The following PSPC1 variants were observed in gnomAD, a reference collection of about 807,000 sequenced individuals.
PSPC1 encodes paraspeckle protein 1.
Under a neutral mutation model 51.6 loss-of-function variants are expected in PSPC1, and 14 were observed. That is an observed-to-expected ratio of 0.27 (90% confidence interval 0.18 to 0.42). The LOEUF (loss-of-function observed/expected upper bound fraction) is 0.42, where lower values mean the gene tolerates loss of function less well. Among genes scored for constraint, PSPC1 ranks in the 10% least tolerant of loss-of-function variants. The pLI is 1.00. For synonymous variants in PSPC1, 193 were observed against 231.9 expected (o/e 0.83, Z 1.53); for missense variants, 406 against 701.1 (o/e 0.58, Z 4.75).
intron 5 of PSPC1, among the ~76,000 whole-genome samples, chr13:19,736,440 T>G (rs149176837): frequency 0.012 from 1,791 of 152,066 alleles, 23 homozygotes; most frequent in African/African-American, 0.041. Context: ...TCCCAGCACT[T>G]TGGGAGGCCG....
At chr13:19,725,160 G>C (rs1883231836) in intron 6 of PSPC1, among the ~76,000 whole-genome samples, 1 of 152,118 alleles carries the variant, frequency 6.6e-6, no homozygotes, top group Non-Finnish European at 1.5e-5. Flanking sequence ...CTAAGCGACA[G>C]AGCAAGACTC....
intron 6 of PSPC1, among the ~76,000 whole-genome samples, chr13:19,687,523 G>C (rs1245619568): frequency 6.6e-6 from 1 of 152,176 alleles, no homozygotes; most frequent in Non-Finnish European, 1.5e-5. Context: ...CCGAGCATCA[G>C]GATTTCCTGT....
At chr13:19,720,133 C>T (rs868765295) in intron 6 of PSPC1, among the ~76,000 whole-genome samples, 2 of 152,162 alleles carry the variant, frequency 1.3e-5, no homozygotes, top group Middle Eastern at 6.8e-3. Flanking sequence ...TTACCCAGAA[C>T]TCCTAAAAAA....
At chr13:19,738,855 G>A (rs1252484934) in intron 5 of PSPC1, among the ~76,000 whole-genome samples, 2 of 150,638 alleles carry the variant, frequency 1.3e-5, no homozygotes, top group African/African-American at 4.9e-5. Flanking sequence ...GCAGTGAGCC[G>A]AGATTGCGCC....
At chr13:19,752,462 AT>A (rs1343146418) in intron 3 of PSPC1, among the ~76,000 whole-genome samples, 1 of 152,178 alleles carries the variant, frequency 6.6e-6, no homozygotes, top group Non-Finnish European at 1.5e-5. Flanking sequence ...CATATAAAAA[AT>A]ATGACTGATC....
chr13:19,753,565 T>C (rs1566030659), intron 3 of PSPC1, among the ~76,000 whole-genome samples: 1 of 152,192 alleles, frequency 6.6e-6, no homozygotes, highest in Non-Finnish European at 1.5e-5. Flanking sequence ...TATCTTCAAT[T>C]AGTCTCGCCT....
intron 4 of PSPC1, among the ~76,000 whole-genome samples, chr13:19,745,792 C>A (rs1411626919): frequency 1.3e-5 from 2 of 151,556 alleles, no homozygotes; most frequent in Non-Finnish European, 2.9e-5. Context: ...GCTAATTTTT[C>A]GTATTTCCAA....
chr13:19,753,999 A>C (rs1886823525), intron 3 of PSPC1, among the ~76,000 whole-genome samples: 1 of 151,990 alleles, frequency 6.6e-6, no homozygotes, highest in African/African-American at 2.4e-5. Context: ...AAAGGAAAAA[A>C]AAACCACTGA....
chr13:19,680,157 G>A (rs1877107621), intron 6 of PSPC1, among the ~76,000 whole-genome samples: 1 of 152,038 alleles, frequency 6.6e-6, no homozygotes, highest in Non-Finnish European at 1.5e-5. Flanking sequence ...CGGGACTACA[G>A]GCGCACACTA....
intron 2 of PSPC1, among the ~76,000 whole-genome samples, chr13:19,767,589 T>C (rs1460628360): frequency 6.6e-6 from 1 of 152,120 alleles, no homozygotes; most frequent in South Asian, 2.1e-4. Context: ...ATATGGTAAT[T>C]AAGCAAGTAC....
intron 2 of PSPC1, among the ~76,000 whole-genome samples, chr13:19,762,839 C>G (rs1221933693): frequency 6.6e-6 from 1 of 151,912 alleles, no homozygotes; most frequent in South Asian, 2.1e-4. Context: ...AGGCCGGGCA[C>G]GGTGGCTCAC....
At chr13:19,672,499 A>AT (rs1876192326), downstream of PSPC1, 1 of 70,936 alleles carries the variant, frequency 1.4e-5, no homozygotes. Flanking sequence ...TTCTGTGCTT[A>AT]AAAAAAAAAA....
chr13:19,677,508 A>G (rs1032541409), intron 7 of PSPC1, among the ~76,000 whole-genome samples: 1 of 152,170 alleles, frequency 6.6e-6, no homozygotes, highest in African/African-American at 2.4e-5. Flanking sequence ...CTGAGATATG[A>G]TGCCAGGGTT....
chr13:19,727,784 T>C (rs901593063), intron 6 of PSPC1, among the ~76,000 whole-genome samples: 2 of 152,228 alleles, frequency 1.3e-5, no homozygotes, highest in African/African-American at 4.8e-5. Context: ...AATAATAGCT[T>C]TTAATGTGTC....
intron 6 of PSPC1, among the ~76,000 whole-genome samples, chr13:19,688,412 T>G (rs987973593): frequency 3.3e-5 from 5 of 152,200 alleles, no homozygotes; most frequent in Non-Finnish European, 5.9e-5. Context: ...TATTTTGTAT[T>G]GTGTATTCTT....
intron 2 of PSPC1, among the ~76,000 whole-genome samples, chr13:19,771,982 A>G (rs9552001): frequency 0.11 from 16,555 of 152,182 alleles, 1,032 homozygotes; most frequent in Middle Eastern, 0.14. Flanking sequence ...AAGTTTATAG[A>G]TTTTACTTTG....
Position 19,782,342 on chromosome 13 carries a change from C to T in PSPC1, c.372+44G>A, listed in dbSNP as rs1355123377. The T allele has an allele frequency of 6.5e-7, 1 of 1,529,950 alleles. No homozygotes were observed. Among genetic ancestry groups the T allele is most frequent in the Non-Finnish European group, 8.8e-7 (1 of 1,139,782 alleles). 94.8% of individuals were successfully genotyped at this position (1,529,950 alleles called of 1,614,324 possible). ...CTCAGCCCCACGACCCCGCGGCCACCCCGACAGTCCTTTTGTTCCCTCGCG... is the reference window on the plus strand; with the variant it reads ...CTCAGCCCCACGACCCCGCGGCCACTCCGACAGTCCTTTTGTTCCCTCGCG... On this transcript the variant is annotated intron_variant, in intron 1 of 8. Transcript: ENST00000338910. This position sits in a 1 kb window ranked among gnomAD's most constrained non-coding sequence, Gnocchi z 4.5.
At position 19,782,334 on chromosome 13, in the gene PSPC1, G is replaced by A. The variant is rs1275337956; in HGVS notation, c.372+52C>T. 38 of 1,520,178 alleles carry A rather than the reference G, an allele frequency of 2.5e-5. No individual in the cohort carries two copies. The highest frequency in any genetic ancestry group is 3.3e-5 in the Non-Finnish European group (38 of 1,136,300). 94.2% of individuals were successfully genotyped at this position (1,520,178 alleles called of 1,614,324 possible). A position where few individuals can be genotyped will look rare whatever the true frequency, so the allele number is the denominator to read the frequency against. Reference sequence around the variant, plus strand: ...AGGCTGGCCTCAGCCCCACGACCCCGCGGCCACCCCGACAGTCCTTTTGTT... The same window carrying A: ...AGGCTGGCCTCAGCCCCACGACCCCACGGCCACCCCGACAGTCCTTTTGTT... On this transcript the variant is annotated intron_variant, in intron 1 of 8. Transcript: ENST00000338910. This position sits in a 1 kb window ranked among gnomAD's most constrained non-coding sequence, Gnocchi z 4.5.
At chr13:19,773,179 AAAC>A (rs1888780090) in intron 1 of PSPC1, among the ~76,000 whole-genome samples, 2 of 152,106 alleles carry the variant, frequency 1.3e-5, no homozygotes, top group East Asian at 1.9e-4. Flanking sequence ...AAAAATAAAA[AAAC>A]AATAATAACT....
Sources: allele counts gnomAD v4.1 joint callset (sites outside exome capture counted in the v4.1 genomes callset), GRCh38; gene constraint gnomAD v4.1.1; non-coding constraint Gnocchi (gnomAD v3.1); transcripts MANE v1.5; gene names NCBI Gene and HGNC (gene_info 2026-07-23, HGNC 2026-07-21).